The following PTPN12 variants were observed in gnomAD, a reference collection of about 807,000 sequenced individuals.
PTPN12 encodes protein tyrosine phosphatase non-receptor type 12, also known as tyrosine-protein phosphatase non-receptor type 12.
Under a neutral mutation model 97.6 loss-of-function variants are expected in PTPN12, and 29 were observed. The observed-to-expected ratio is 0.30, with a 90% CI of 0.22 to 0.41. The LOEUF is 0.41. Ranked by LOEUF, PTPN12 falls within the 10% of genes least tolerant of loss-of-function variation. PTPN12 has a pLI of 1.00. For synonymous variants in PTPN12, 327 were observed against 300.4 expected, an observed-to-expected ratio of 1.09 and a Z score of -0.91; for missense variants, 819 against 926.0, an observed-to-expected ratio of 0.88 and a Z score of 1.50.
intron 5 of PTPN12, among the ~76,000 whole-genome samples, chr7:77,589,571 G>A (rs187498519): frequency 4.9e-4 from 75 of 152,014 alleles, no homozygotes; most frequent in Admixed American, 1.4e-3. Flanking sequence ...GCAATATATT[G>A]CAAAAGATAC....
rs916184539 is a variant in PTPN12, at chr7:77,638,694, A to G, written c.2244A>G (p.Glu748=). The G allele has an allele frequency of 1.2e-6, 2 of 1,607,672 alleles. No homozygotes were observed. The highest frequency in any genetic ancestry group is 1.7e-6 in the Non-Finnish European group (2 of 1,178,120). ...ECPPTFSDKR[E]QISENPTEAT... ...CACCTACTTTCAGTGACAAGAGAGA[A>G]CAAATATCAGAAAATCCAACAGAAG... Residue 748 remains glutamate (E), a synonymous_variant, in exon 17 of 18, where the codon GAA becomes GAG. Coordinates refer to ENST00000248594, the MANE Select transcript of PTPN12 (RefSeq NM_002835.4).
At chr7:77,558,439 A>G (rs1269287334) in intron 1 of PTPN12, among the ~76,000 whole-genome samples, 3 of 152,184 alleles carry the variant, frequency 2.0e-5, no homozygotes, top group Admixed American at 6.5e-5. Flanking sequence ...ATAAAATAGT[A>G]TGTCCAAGTA....
In PTPN12 at chr7:77,577,048, T is replaced by C. The variant is rs550146058; in HGVS notation, c.209-4379T>C. 1.2e-3 allele frequency among the ~76,000 whole-genome samples: 178 copies of C among 152,306 alleles called. 1 individual carries two copies. Among genetic ancestry groups the C allele is most frequent in the African/African-American group, 4.1e-3 (172 of 41,562 alleles). Reference sequence around the variant, plus strand: ...CAGAACTGGGGTGGATATACACTCATTTATTTGAAATCATGCATTTGTTCC... The same window carrying C: ...CAGAACTGGGGTGGATATACACTCACTTATTTGAAATCATGCATTTGTTCC... On this transcript the variant is annotated intron_variant, in intron 2 of 17. Transcript: ENST00000248594.
chr7:77,617,753 C>T lies in PTPN12; in HGVS notation c.940-727C>T, dbSNP rs148863907. ...GTTGACAGTGAAACTAATTCAAGGCCGTATTTTCATTTCACCGCTCCCCTA... is the reference window on the plus strand; with the variant it reads ...GTTGACAGTGAAACTAATTCAAGGCTGTATTTTCATTTCACCGCTCCCCTA... On this transcript the variant is annotated intron_variant, in intron 11 of 17. Coordinates refer to ENST00000248594, the MANE Select transcript of PTPN12 (RefSeq NM_002835.4). Among the ~76,000 whole-genome samples, 282 of 152,142 alleles carry T rather than the reference C, an allele frequency of 1.9e-3. 1 individual carries two copies. The highest frequency in any genetic ancestry group is 3.0e-3 in the Non-Finnish European group (201 of 67,992).
chr7:77,580,703 TACCTAATAATA>T (rs1181545525), intron 2 of PTPN12, among the ~76,000 whole-genome samples: 2 of 152,180 alleles, frequency 1.3e-5, no homozygotes, highest in Non-Finnish European at 2.9e-5. Context: ...TTTACTCTAT[TACCTAATAATA>T]ACTATTATTA....
chr7:77,546,932 A>G (rs899176821), intron 1 of PTPN12, among the ~76,000 whole-genome samples: 2 of 152,334 alleles, frequency 1.3e-5, no homozygotes, highest in South Asian at 4.1e-4. Flanking sequence ...TTACATAGGG[A>G]TTATAATTCA....
At chr7:77,565,629 T>C (rs1307262947) in intron 1 of PTPN12, among the ~76,000 whole-genome samples, 1 of 152,210 alleles carries the variant, frequency 6.6e-6, no homozygotes, top group African/African-American at 2.4e-5. Flanking sequence ...TCCACTCTTT[T>C]AAGAACTTGA....
rs1037171558 is a variant in PTPN12, at chr7:77,597,178, C to T, written c.493-664C>T. Among the ~76,000 whole-genome samples the T allele has an allele frequency of 7.9e-5, 12 of 152,252 alleles. No individual in the cohort carries two copies. In the South Asian group the frequency reaches 1.4e-3, roughly 18 times the overall value. On this transcript the variant is annotated intron_variant, in intron 6 of 17. Transcript: ENST00000248594. Reference sequence around the variant, plus strand: ...TTGCTCTGTCGCCCAGGCTGGAGTGCGGTGGCACTATCTCAGCTCACTATA... The same window carrying T: ...TTGCTCTGTCGCCCAGGCTGGAGTGTGGTGGCACTATCTCAGCTCACTATA...
chr7:77,552,242 A>T (rs1160256292), intron 1 of PTPN12, among the ~76,000 whole-genome samples: 1 of 152,080 alleles, frequency 6.6e-6, no homozygotes, highest in Admixed American at 6.5e-5. Context: ...TTAGCCTCCT[A>T]AGTAGATAGG....
At chr7:77,627,772 A>T in intron 13 of PTPN12, 97 bp downstream of exon 13, 1 of 1,228,046 alleles carries the variant, frequency 8.1e-7, no homozygotes, top group South Asian at 2.0e-5. Flanking sequence ...TTTATTCCAC[A>T]CTCTACCATA....
chr7:77,586,143 G>T (rs914843383), intron 5 of PTPN12, among the ~76,000 whole-genome samples: 4 of 152,016 alleles, frequency 2.6e-5, no homozygotes, highest in African/African-American at 7.3e-5. Flanking sequence ...TAGTAAAGAT[G>T]GGGTTTCACC....
At chr7:77,630,083 T>C (rs1410801143) in intron 13 of PTPN12, among the ~76,000 whole-genome samples, 1 of 152,236 alleles carries the variant, frequency 6.6e-6, no homozygotes, top group Non-Finnish European at 1.5e-5. Flanking sequence ...ACCTTAACTA[T>C]GTTATTGGTT....
At chr7:77,555,009 A>G (rs971912961) in intron 1 of PTPN12, among the ~76,000 whole-genome samples, 6 of 152,048 alleles carry the variant, frequency 3.9e-5, no homozygotes, top group African/African-American at 1.4e-4. Flanking sequence ...TTGTTGAGAA[A>G]GTTTTTATTT....
chr7:77,633,834 G>A (rs762341531), intron 14 of PTPN12, among the ~76,000 whole-genome samples: 13 of 151,858 alleles, frequency 8.6e-5, no homozygotes, highest in Non-Finnish European at 1.6e-4. Flanking sequence ...ACCAGCCTGG[G>A]CAACACAGTG....
rs751962814 is a variant in PTPN12 at position 77,605,409 on chromosome 7, GTTTTTTTTTTTTTT to G, written c.696-1811_696-1798del. 5.2e-5 allele frequency among the ~76,000 whole-genome samples: 5 copies of G among 95,560 alleles called. No individual in the cohort carries two copies. In the South Asian group the frequency reaches 1.0e-3, roughly 20 times the overall value. The allele number at this position is 95,560 out of a possible 152,430, so 62.7% of individuals were successfully genotyped here. On this transcript the variant is annotated intron_variant, in intron 8 of 17. Transcript: ENST00000248594. ...TTACTTTAAAATACTTTTGTCATGA[GTTTTTTTTTTTTTT>G]TTTTTTTTTTTTTTGAGACGGAGTC...
At chr7:77,575,341 G>T (rs1005219628) in intron 2 of PTPN12, among the ~76,000 whole-genome samples, 1 of 140,088 alleles carries the variant, frequency 7.1e-6, no homozygotes, top group Non-Finnish European at 1.6e-5. Flanking sequence ...ACGCACGCAC[G>T]CACACACACA....
Position 77,632,436 on chromosome 7 carries a change from C to G in PTPN12, c.2074+11C>G, listed in dbSNP as rs1789430971. 6.3e-7 allele frequency: 1 copy of G among 1,588,898 alleles called. No homozygotes were observed. Among genetic ancestry groups the G allele is most frequent in the East Asian group, 2.2e-5 (1 of 44,638 alleles). ...TAGCAAGTGAACATAGTGAGTGTCT[C>G]TTTTGCTTTTACATTTACTTCATAT... is the stretch of plus-strand genomic sequence containing the variant. On this transcript the variant is annotated intron_variant, in intron 14 of 17. Transcript: ENST00000248594.
At chr7:77,549,005 C>G (rs574676329) in intron 1 of PTPN12, among the ~76,000 whole-genome samples, 1 of 152,328 alleles carries the variant, frequency 6.6e-6, no homozygotes, top group South Asian at 2.1e-4. Context: ...AAAGACATCC[C>G]TTATGGTAAT....
At position 77,609,890 on chromosome 7, in the gene PTPN12, ACAAC is replaced by A. The variant is rs1192844016; in HGVS notation, c.763-874_763-871del. Reference sequence around the variant, plus strand: ...AGCGAGACTCCGTCTCAAAAAAAAAACAACAAAAAAAAAACCCAAAAATCTTATG... The same window carrying A: ...AGCGAGACTCCGTCTCAAAAAAAAAAAAAAAAAAAACCCAAAAATCTTATG... On this transcript the variant is annotated intron_variant, in intron 9 of 17. Transcript: ENST00000248594. Among the ~76,000 whole-genome samples, 896 of 140,478 alleles carry A rather than the reference ACAAC, an allele frequency of 6.4e-3. 5 individuals are homozygous for A. The highest frequency in any genetic ancestry group is 0.038 in the Middle Eastern group (10 of 262). 92.2% of individuals were successfully genotyped at this position (140,478 alleles called of 152,430 possible).
Sources: gnomAD v4.1 joint callset for allele counts (sites outside exome capture counted in the v4.1 genomes callset) on GRCh38, gnomAD v4.1.1 for gene constraint, MANE v1.5 for transcripts, NCBI Gene and HGNC (gene_info 2026-07-23, HGNC 2026-07-21) for gene names.